Variants in MCF2L2 observed in about 807,000 individuals in gnomAD.
MCF2L2 encodes the protein probable guanine nucleotide exchange factor MCF2L2.
Under a neutral mutation model 150.2 loss-of-function variants are expected in MCF2L2, and 102 were observed. That is an observed-to-expected ratio of 0.68 (90% CI 0.58 to 0.80). MCF2L2 has a LOEUF of 0.80. Among genes scored for constraint, MCF2L2 ranks in the 30% least tolerant of loss-of-function variants. The pLI, the probability that MCF2L2 is intolerant of heterozygous loss-of-function variation, is 0.00. For synonymous variants in MCF2L2, 465 were observed against 491.3 expected, an observed-to-expected ratio of 0.95 and a Z score of 0.71; for missense variants, 1,256 against 1,372.8, an observed-to-expected ratio of 0.91 and a Z score of 1.34.
At chr3:183,217,587 G>T (rs1303651948) in intron 21 of MCF2L2, among the ~76,000 whole-genome samples, 1 of 152,146 alleles carries the variant, frequency 6.6e-6, no homozygotes, top group Non-Finnish European at 1.5e-5. Flanking sequence ...TCCCAGAGGA[G>T]GACATTTGTA....
At chr3:183,233,813 G>T (rs1367287530) in intron 15 of MCF2L2, among the ~76,000 whole-genome samples, 3 of 152,118 alleles carry the variant, frequency 2.0e-5, no homozygotes, top group Non-Finnish European at 4.4e-5. Context: ...ATTTTAAAAT[G>T]AATGTTACTG....
chr3:183,299,786 T>C, intron 11 of MCF2L2: 1 of 510,412 alleles, frequency 2.0e-6, no homozygotes, highest in South Asian at 2.5e-5. Context: ...CAGTTAACTT[T>C]AATGGGATGT....
intron 14 of MCF2L2, among the ~76,000 whole-genome samples, chr3:183,282,326 C>G (rs893332693): frequency 6.6e-6 from 1 of 151,156 alleles, no homozygotes; most frequent in African/African-American, 2.4e-5. Flanking sequence ...CTACAGGCAC[C>G]CGCCACCACG....
chr3:183,274,623 TA>T (rs1337746557), intron 15 of MCF2L2, among the ~76,000 whole-genome samples: 9 of 152,240 alleles, frequency 5.9e-5, no homozygotes, highest in African/African-American at 1.2e-4. Flanking sequence ...TAGTTGGTAC[TA>T]AAATGTGATG....
intron 1 of MCF2L2, among the ~76,000 whole-genome samples, chr3:183,410,122 T>G (rs931852660): frequency 6.6e-6 from 1 of 152,172 alleles, no homozygotes; most frequent in Non-Finnish European, 1.5e-5. Flanking sequence ...AAAGTGGCTA[T>G]TCCCCTTATC....
At position 183,311,769 on chromosome 3, in the gene MCF2L2, C is replaced by T. The variant is rs774827910; in HGVS notation, c.757G>A (p.Glu253Lys). 4.3e-6 allele frequency: 7 copies of T among 1,612,776 alleles called. No homozygotes were observed. In the East Asian group the frequency reaches 1.3e-4, roughly 31 times the overall value. The change falls in exon 8 of 30, where the codon GAG becomes AAG. Residue 253 changes from glutamate (E) to lysine (K), a missense_variant. Coordinates refer to ENST00000328913, the MANE Select transcript of MCF2L2 (RefSeq NM_015078.4). ...CCCTGCTTTCCAAGTAATTTCAGCTCATCCTAGAAAATAAAAGTAGTCTCT... is the reference window on the plus strand; with the variant it reads ...CCCTGCTTTCCAAGTAATTTCAGCTTATCCTAGAAAATAAAAGTAGTCTCT... ...HTRQRDKLQD[E>K]LKLLGKQGTT...
At chr3:183,377,098 A>G (rs1485065891) in intron 3 of MCF2L2, 1 of 152,204 alleles carries the variant, frequency 6.6e-6, no homozygotes, top group African/African-American at 2.4e-5. Context: ...ATAGGTATAC[A>G]TGTGCCACAG....
At chr3:183,316,332 TTTTTGTTTTGTTTTG>T (rs138800644) in intron 7 of MCF2L2, among the ~76,000 whole-genome samples, 2 of 150,752 alleles carry the variant, frequency 1.3e-5, no homozygotes, top group African/African-American at 2.5e-5. Flanking sequence ...TTTTGGTGTT[TTTTTGTTTTGTTTTG>T]TTTTGTTTTG....
At chr3:183,412,855 G>A (rs1036281172) in intron 1 of MCF2L2, among the ~76,000 whole-genome samples, 1 of 152,164 alleles carries the variant, frequency 6.6e-6, no homozygotes, top group Non-Finnish European at 1.5e-5. Flanking sequence ...GATGTTAACT[G>A]TGGGCTTTTC....
intron 15 of MCF2L2, among the ~76,000 whole-genome samples, chr3:183,234,536 A>G (rs1046386398): frequency 6.6e-6 from 1 of 152,184 alleles, no homozygotes; most frequent in African/African-American, 2.4e-5. Context: ...AACTCCACTG[A>G]AGAATGTAGG....
chr3:183,302,517 C>A (rs897015999), intron 10 of MCF2L2, among the ~76,000 whole-genome samples: 2 of 152,116 alleles, frequency 1.3e-5, no homozygotes, highest in Admixed American at 6.5e-5. Flanking sequence ...GGTTCCATAG[C>A]CGGGGTGAGA....
chr3:183,276,687 T>C, intron 15 of MCF2L2, 185 bp downstream of exon 15: 1 of 467,190 alleles, frequency 2.1e-6, no homozygotes, highest in Non-Finnish European at 3.8e-6. Flanking sequence ...TTTAAGCTCT[T>C]TTGCTTGTTG....
At chr3:183,207,926 G>C in intron 22 of MCF2L2, 103 bp from the exon 23 acceptor site, 1 of 868,830 alleles carries the variant, frequency 1.2e-6, no homozygotes, top group East Asian at 2.6e-5. Context: ...GCTTCTTTGA[G>C]GTTTACAATT....
chr3:183,368,507 T>C (rs1198245242), intron 3 of MCF2L2, among the ~76,000 whole-genome samples: 2 of 152,172 alleles, frequency 1.3e-5, no homozygotes, highest in Non-Finnish European at 2.9e-5. Flanking sequence ...TTCACACCTG[T>C]AATCCCAGCA....
intron 5 of MCF2L2, among the ~76,000 whole-genome samples, chr3:183,337,626 A>C (rs1196972896): frequency 6.6e-6 from 1 of 151,972 alleles, no homozygotes; most frequent in Non-Finnish European, 1.5e-5. Flanking sequence ...ATAACTTACC[A>C]CTTTTATTGG....
At chr3:183,276,785 A>G in intron 15 of MCF2L2, 87 bp downstream of exon 15, 1 of 836,264 alleles carries the variant, frequency 1.2e-6, no homozygotes, top group Non-Finnish European at 1.9e-6. Context: ...TCTGGGAAAG[A>G]CAGGTGCTGA....
At chr3:183,427,709 A>G (rs558603417) in intron 1 of MCF2L2, among the ~76,000 whole-genome samples, 193 bp downstream of exon 1, 2 of 150,882 alleles carry the variant, frequency 1.3e-5, no homozygotes, top group South Asian at 4.3e-4. Context: ...GACCCCCACC[A>G]GCGGCGCGCC....
chr3:183,421,805 G>A (rs901855993), intron 1 of MCF2L2, among the ~76,000 whole-genome samples: 15 of 152,180 alleles, frequency 9.9e-5, no homozygotes, highest in Non-Finnish European at 2.9e-5. Flanking sequence ...TCTGGGGCTT[G>A]TTTTTGTTTG....
At chr3:183,246,008 T>A (rs1164145035) in intron 15 of MCF2L2, among the ~76,000 whole-genome samples, 3 of 152,216 alleles carry the variant, frequency 2.0e-5, no homozygotes, top group Non-Finnish European at 4.4e-5. Context: ...ATAAATTATT[T>A]TTAAAGTTTA....
Sources: gnomAD v4.1 joint callset for allele counts (sites outside exome capture counted in the v4.1 genomes callset) on GRCh38, gnomAD v4.1.1 for gene constraint, MANE v1.5 for transcripts, NCBI Gene and HGNC (gene_info 2026-07-23, HGNC 2026-07-21) for gene names.